VPS13A: variants seen among roughly 807,000 people sequenced by gnomAD.
VPS13A encodes the protein intermembrane lipid transfer protein VPS13A.
In VPS13A, 264 loss-of-function variants were observed where a neutral mutation model predicts 390.9. That is an observed-to-expected ratio of 0.68 (90% CI 0.61 to 0.75). The LOEUF (loss-of-function observed/expected upper bound fraction) is 0.75, where lower values mean the gene tolerates loss of function less well. VPS13A is among the 30% of genes least tolerant of loss of function. The pLI is 0.00. For missense variants in VPS13A, 3,409 were observed against 3,733.9 expected (o/e 0.91, Z 2.27); for synonymous variants, 1,231 against 1,227.1 (o/e 1.00, Z -0.07).
chr9:77,392,229 A>G (rs745355342), intron 68 of VPS13A, among the ~76,000 whole-genome samples: 5 of 152,186 alleles, frequency 3.3e-5, no homozygotes, highest in African/African-American at 4.8e-5. Flanking sequence ...AAGAGACATG[A>G]TAACAGTTTG....
intron 68 of VPS13A, among the ~76,000 whole-genome samples, chr9:77,400,423 TTTATTTGCTTATCG>T (rs1385206052): frequency 6.6e-6 from 1 of 152,058 alleles, no homozygotes; most frequent in African/African-American, 2.4e-5. Context: ...TTTATTACTG[TTTATTTGCTTATCG>T]TTTTGCCATT....
chr9:77,304,926 AT>A (rs1286111503), intron 34 of VPS13A, among the ~76,000 whole-genome samples: 1 of 150,166 alleles, frequency 6.7e-6, no homozygotes, highest in Non-Finnish European at 1.5e-5. Flanking sequence ...CATTTTAGAG[AT>A]TTCAGACTTT....
chr9:77,322,154 A>G (rs748565606), intron 44 of VPS13A, among the ~76,000 whole-genome samples: 4 of 150,270 alleles, frequency 2.7e-5, no homozygotes, highest in Admixed American at 2.7e-4. Flanking sequence ...GTGTGAATTC[A>G]TGCAGATGGC....
intron 3 of VPS13A, 120 bp from the exon 4 acceptor site, chr9:77,205,193 G>C: frequency 7.1e-6 from 3 of 422,792 alleles, no homozygotes; most frequent in Non-Finnish European, 1.3e-5. Context: ...GTGATTAAAC[G>C]CTTAAGGACA....
intron 67 of VPS13A, among the ~76,000 whole-genome samples, chr9:77,374,860 T>G (rs1832983282): frequency 6.6e-6 from 1 of 152,164 alleles, no homozygotes; most frequent in Non-Finnish European, 1.5e-5. Flanking sequence ...GGTGGGTGGC[T>G]GTCTTCCTAA....
At chr9:77,326,056 C>T (rs139404376) in intron 45 of VPS13A, among the ~76,000 whole-genome samples, 124 of 152,170 alleles carry the variant, frequency 8.1e-4, no homozygotes, top group Middle Eastern at 3.4e-3. Context: ...GGTTTTTCCC[C>T]CCATACTTTA....
chr9:77,224,731 A>G (rs775802858), intron 13 of VPS13A, among the ~76,000 whole-genome samples: 2 of 152,256 alleles, frequency 1.3e-5, no homozygotes, highest in Non-Finnish European at 2.9e-5. Flanking sequence ...TTAGAAATTT[A>G]CATAAAATTA....
chr9:77,221,683 C>T (rs753309127), intron 13 of VPS13A, among the ~76,000 whole-genome samples: 7 of 152,114 alleles, frequency 4.6e-5, no homozygotes, highest in Non-Finnish European at 7.4e-5. Context: ...GGTTTCAAAG[C>T]CTTTTATGTG....
intron 26 of VPS13A, among the ~76,000 whole-genome samples, chr9:77,276,699 G>A (rs1457326439): frequency 1.3e-5 from 2 of 152,162 alleles, no homozygotes; most frequent in Non-Finnish European, 2.9e-5. Flanking sequence ...ATTTACACAT[G>A]GTTTAAGTCT....
chr9:77,299,152 G>A (rs1328874894), intron 33 of VPS13A, among the ~76,000 whole-genome samples: 2 of 152,102 alleles, frequency 1.3e-5, no homozygotes, highest in Admixed American at 6.5e-5. Context: ...TGCTGTTTTG[G>A]TTACTGTAGC....
In VPS13A at chr9:77,370,346, T is replaced by C. The variant is rs1183624577; in HGVS notation, c.8743+14T>C. On this transcript the variant is annotated intron_variant, in intron 64 of 71. Transcript: ENST00000360280. ...GTGGAGCTGTTGGTAAGAAACAGAA[T>C]ATCTACCAAGTATTTTTGTGCTAGA... The C allele has an allele frequency of 6.2e-7, 1 of 1,614,144 alleles. No homozygotes were observed. Among genetic ancestry groups the C allele is most frequent in the Non-Finnish European group, 8.5e-7 (1 of 1,180,002 alleles).
chr9:77,250,509 C>T (rs796961060), intron 21 of VPS13A, among the ~76,000 whole-genome samples: 16 of 152,204 alleles, frequency 1.1e-4, no homozygotes, highest in East Asian at 1.9e-4. Flanking sequence ...AAGCATCCTA[C>T]GATGTTCAGG....
At chr9:77,213,391 A>G in intron 9 of VPS13A, 77 bp downstream of exon 9, 1 of 1,207,340 alleles carries the variant, frequency 8.3e-7, no homozygotes, top group Non-Finnish European at 1.2e-6. Flanking sequence ...TTTATCTAAT[A>G]TACTGTAGTC....
rs2050831 is a variant in VPS13A, at chr9:77,273,480, A to G, written c.2512+116A>G. The G allele has an allele frequency of 0.81, 678,539 of 840,960 alleles. 275,494 individuals carry two copies. The highest frequency in any genetic ancestry group is 0.96 in the African/African-American group (56,073 of 58,194). The allele number at this position is 840,960 out of a possible 1,614,324, so 52.1% of individuals were successfully genotyped here. Reference sequence around the variant, plus strand: ...AAGGAAAATATCTTTTCCTTTTAAAATCTAGGTTCTTGACTGAGGCTCTAT... The same window carrying G: ...AAGGAAAATATCTTTTCCTTTTAAAGTCTAGGTTCTTGACTGAGGCTCTAT... On this transcript the variant is annotated intron_variant, in intron 24 of 71. Transcript: ENST00000360280.
chr9:77,346,971 T>C (rs949255032), intron 52 of VPS13A, among the ~76,000 whole-genome samples: 6 of 152,214 alleles, frequency 3.9e-5, no homozygotes, highest in African/African-American at 4.8e-5. Flanking sequence ...TTTTTGTTTG[T>C]TTTGTTGAAG....
chr9:77,365,637 A>G, intron 60 of VPS13A, 64 bp downstream of exon 60: 2 of 1,002,836 alleles, frequency 2.0e-6, no homozygotes, highest in South Asian at 1.3e-5. Context: ...TGTAGCATTT[A>G]TATTGTGTTC....
At chr9:77,264,745 G>C (rs138012770) in intron 23 of VPS13A, among the ~76,000 whole-genome samples, 66 of 152,302 alleles carry the variant, frequency 4.3e-4, no homozygotes, top group African/African-American at 1.5e-3. Context: ...TCTGCAAACA[G>C]AGACGATTTG....
chr9:77,374,306 CAAT>C (rs917647470), intron 67 of VPS13A, among the ~76,000 whole-genome samples: 5 of 151,952 alleles, frequency 3.3e-5, no homozygotes, highest in African/African-American at 7.3e-5. Context: ...AAGATATTAA[CAAT>C]AATAATAAAA....
chr9:77,339,955 G>A (rs1289802416), intron 48 of VPS13A, 44 bp downstream of exon 48: 1 of 1,592,460 alleles, frequency 6.3e-7, no homozygotes, highest in Admixed American at 1.7e-5. Context: ...TTAGCTACTT[G>A]TCACTTTTTA....
Sources: gnomAD v4.1 joint callset for allele counts (sites outside exome capture counted in the v4.1 genomes callset) on GRCh38, gnomAD v4.1.1 for gene constraint, MANE v1.5 for transcripts, NCBI Gene and HGNC (gene_info 2026-07-23, HGNC 2026-07-21) for gene names.